The following ENPP6 variants were observed in gnomAD, a reference collection of about 807,000 sequenced individuals.
The protein encoded by ENPP6 is ectonucleotide pyrophosphatase/phosphodiesterase 6.
A neutral mutation model predicts 42.0 loss-of-function variants in ENPP6; 32 were observed. The observed-to-expected ratio is 0.76, with a 90% CI of 0.58 to 1.02. The LOEUF (loss-of-function observed/expected upper bound fraction) is 1.02, where lower values mean the gene tolerates loss of function less well. ENPP6 is among the 50% of genes least tolerant of loss of function. ENPP6 has a pLI of 0.00. For synonymous variants in ENPP6, 213 were observed against 216.0 expected (o/e 0.99, Z 0.12); for missense variants, 552 against 566.8 (o/e 0.97, Z 0.27).
At chr4:184,192,322 A>G (rs188192815) in intron 1 of ENPP6, among the ~76,000 whole-genome samples, 6 of 152,378 alleles carry the variant, frequency 3.9e-5, no homozygotes, top group South Asian at 2.1e-4. Flanking sequence ...CCCAAGAATA[A>G]TCTCTAATAT....
intron 1 of ENPP6, among the ~76,000 whole-genome samples, chr4:184,173,304 G>A (rs1339486059): frequency 6.6e-6 from 1 of 152,206 alleles, no homozygotes; most frequent in Non-Finnish European, 1.5e-5. Context: ...ATTCATGAAT[G>A]TGGATGTTCA....
At chr4:184,178,157 C>T (rs909073383) in intron 1 of ENPP6, among the ~76,000 whole-genome samples, 2 of 152,004 alleles carry the variant, frequency 1.3e-5, no homozygotes, top group African/African-American at 4.8e-5. Flanking sequence ...CCAGAATAAC[C>T]ACTTTAGAGA....
chr4:184,112,810 C>A lies in ENPP6; in HGVS notation c.856-1G>T, dbSNP rs1736226418. 1 of 1,612,236 alleles carries A rather than the reference C, an allele frequency of 6.2e-7. No individual in the cohort carries two copies. The highest frequency in any genetic ancestry group is 1.3e-5 in the African/African-American group (1 of 74,948). On this transcript the variant is annotated splice_acceptor_variant, in intron 5 of 7. Transcript: ENST00000296741. LOFTEE classifies it high-confidence loss of function. ...CCACTGTGCTCAGTTTGTTATATAT[C>A]TGCAAAGAAAATCAAGAGTGATCAG...
At chr4:184,206,257 T>C (rs1200799734) in intron 1 of ENPP6, among the ~76,000 whole-genome samples, 3 of 139,176 alleles carry the variant, frequency 2.2e-5, no homozygotes, top group East Asian at 2.1e-4. Flanking sequence ...TTGAATTTTT[T>C]TTTTTTTTTT....
chr4:184,205,765 T>C (rs1882326), intron 1 of ENPP6, among the ~76,000 whole-genome samples: 84,154 of 151,860 alleles, frequency 0.55, 23,696 homozygotes, highest in East Asian at 0.85. Context: ...GGGTCAGCAA[T>C]GGAGGTTGGG....
At chr4:184,117,509 G>A (rs978320275) in intron 4 of ENPP6, among the ~76,000 whole-genome samples, 6 of 152,228 alleles carry the variant, frequency 3.9e-5, no homozygotes, top group Non-Finnish European at 8.8e-5. Context: ...CACAGAGCTG[G>A]GTGTCTCTCC....
At chr4:184,138,452 G>A (rs534004838) in intron 2 of ENPP6, among the ~76,000 whole-genome samples, 117 of 152,272 alleles carry the variant, frequency 7.7e-4, no homozygotes, top group African/African-American at 2.5e-3. Context: ...CTGTTATTTT[G>A]TTACTGGATT....
chr4:184,185,521 C>T (rs1489272078), intron 1 of ENPP6, among the ~76,000 whole-genome samples: 1 of 152,114 alleles, frequency 6.6e-6, no homozygotes, highest in Non-Finnish European at 1.5e-5. Context: ...AGAATCATGC[C>T]CAGACCCCAA....
chr4:184,162,585 AAGAG>A (rs1361220893), intron 1 of ENPP6, among the ~76,000 whole-genome samples: 2 of 151,482 alleles, frequency 1.3e-5, no homozygotes, highest in Admixed American at 6.6e-5. Flanking sequence ...GAAAGGAAGG[AAGAG>A]AGGGAGGGAG....
chr4:184,182,257 A>G (rs1197432165), intron 1 of ENPP6, among the ~76,000 whole-genome samples: 4 of 152,218 alleles, frequency 2.6e-5, no homozygotes, highest in Non-Finnish European at 5.9e-5. Flanking sequence ...AACATAAGGG[A>G]AATAGCTCAA....
rs114539935 is a variant in ENPP6, at chr4:184,106,459, C to G, written c.993+6213G>C. ...AGCTCCCCACACTTGGCCACCTGGC[C>G]CATTCTTTCCATTCCTCTCACTCTC... On this transcript the variant is annotated intron_variant, in intron 6 of 7. Transcript: ENST00000296741. 4.9e-3 allele frequency among the ~76,000 whole-genome samples: 748 copies of G among 152,270 alleles called. 6 individuals are homozygous for G. The highest frequency in any genetic ancestry group is 0.017 in the African/African-American group (697 of 41,534).
intron 2 of ENPP6, among the ~76,000 whole-genome samples, chr4:184,146,430 A>G (rs1435666436): frequency 4.1e-4 from 35 of 84,534 alleles, no homozygotes; most frequent in African/African-American, 1.1e-3. Context: ...ACTCCGTTTC[A>G]AAAAAAAAAA....
At chr4:184,113,493 G>C (rs2111342668) in intron 5 of ENPP6, among the ~76,000 whole-genome samples, 2 of 152,242 alleles carry the variant, frequency 1.3e-5, no homozygotes, top group South Asian at 4.2e-4. Context: ...TGAGTATAAA[G>C]GGTCTGCTGT....
Position 184,112,747 on chromosome 4 carries a change from G to T in ENPP6, c.918C>A (p.Ser306Arg). 1 of 1,614,138 alleles carries T rather than the reference G, an allele frequency of 6.2e-7. No homozygotes were observed. The highest frequency in any genetic ancestry group is 8.5e-7 in the Non-Finnish European group (1 of 1,180,026). The change falls in exon 6 of 8, where the codon AGC becomes AGA. Residue 306 changes from serine to arginine, a missense_variant. Ser to Arg is a moderately radical substitution (Grantham distance 110). Transcript: ENST00000296741. ...ACTTTCCTTTCTTGTAATAGAACCT[G>T]CTTGGGATGGCTTCTTTCTCGTAGA... is the stretch of plus-strand genomic sequence containing the variant. Reference protein sequence around the residue: ...MTVYEKEAIPSRFYYKKGKFV... With the variant: ...MTVYEKEAIPRRFYYKKGKFV...
chr4:184,209,408 A>G (rs1440558079), intron 1 of ENPP6, among the ~76,000 whole-genome samples: 12 of 151,564 alleles, frequency 7.9e-5, no homozygotes, highest in Admixed American at 7.9e-4. Flanking sequence ...GATGGAGCTG[A>G]AAACCAAGGC....
chr4:184,117,812 C>A lies in ENPP6; in HGVS notation c.622G>T (p.Asp208Tyr). The change falls in exon 4 of 8, where the codon GAT (aspartate) becomes TAT (tyrosine). Residue 208 changes from aspartate to tyrosine, a missense_variant. Around this residue, in one of 2 missense-constraint regions of ENPP6, gnomAD observed 545 missense variants for 546.3 expected, o/e 1.00. Transcript: ENST00000296741. ...ACAGTGTCTACAGCCTTGAGGGCAT[C>A]TTTCCTCTGCGGAGATGCAGGCCCG... ...HYGPASPQRKDALKAVDTVLK... is the reference protein window; with the variant it reads ...HYGPASPQRKYALKAVDTVLK... The A allele has an allele frequency of 1.2e-6, 2 of 1,614,274 alleles. No homozygotes were observed. The highest frequency in any genetic ancestry group is 1.7e-6 in the Non-Finnish European group (2 of 1,180,050).
intron 3 of ENPP6, among the ~76,000 whole-genome samples, chr4:184,118,772 G>A (rs1359380202): frequency 1.3e-5 from 2 of 152,188 alleles, no homozygotes. Context: ...TTGTTTGGGT[G>A]AGGAGTGACG....
chr4:184,160,905 T>A (rs1737247690), intron 1 of ENPP6, among the ~76,000 whole-genome samples: 1 of 152,160 alleles, frequency 6.6e-6, no homozygotes, highest in African/African-American at 2.4e-5. Flanking sequence ...ATGAGTTGGG[T>A]GAATTTTATT....
At chr4:184,139,219 C>T (rs1736779381) in intron 2 of ENPP6, among the ~76,000 whole-genome samples, 1 of 152,188 alleles carries the variant, frequency 6.6e-6, no homozygotes, top group South Asian at 2.1e-4. Context: ...AAATGACTGG[C>T]TAGGCAACGG....
Sources: allele counts gnomAD v4.1 joint callset (sites outside exome capture counted in the v4.1 genomes callset), GRCh38; gene constraint gnomAD v4.1.1; regional missense constraint gnomAD v4.1.1; transcripts MANE v1.5; gene names NCBI Gene and HGNC (gene_info 2026-07-23, HGNC 2026-07-21).